Variants in SMURF1 observed in about 807,000 individuals in gnomAD.
SMURF1 encodes E3 ubiquitin-protein ligase SMURF1.
SMURF1 carries 44 observed loss-of-function variants against 98.0 expected under a neutral mutation model. The observed-to-expected ratio is 0.45, with a 90% CI of 0.35 to 0.58. The LOEUF (loss-of-function observed/expected upper bound fraction) is 0.58, where lower values mean the gene tolerates loss of function less well. Ranked by LOEUF, SMURF1 falls within the 20% of genes least tolerant of loss-of-function variation. SMURF1 has a pLI of 0.00. For synonymous variants in SMURF1, 396 were observed against 374.9 expected, an observed-to-expected ratio of 1.06 and a Z score of -0.65; for missense variants, 687 against 938.4, an observed-to-expected ratio of 0.73 and a Z score of 3.50.
In SMURF1 at chr7:99,038,959, C is replaced by T. The variant is rs540283963; in HGVS notation, c.1551-434G>A. ...CTGTAATCCCAGCACTTTGGGATAC[C>T]GAGGCGGGTGGATTACGAGGTCAGG... On this transcript the variant is annotated intron_variant, in intron 13 of 17. Coordinates refer to ENST00000361368, the MANE Select transcript of SMURF1 (RefSeq NM_181349.3). 2.6e-4 allele frequency among the ~76,000 whole-genome samples: 39 copies of T among 151,964 alleles called. No individual in the cohort carries two copies. In the East Asian group the frequency reaches 5.0e-3, roughly 20 times the overall value.
chr7:99,087,045 T>C (rs1396196079), intron 1 of SMURF1, among the ~76,000 whole-genome samples: 1 of 152,116 alleles, frequency 6.6e-6, no homozygotes, highest in Non-Finnish European at 1.5e-5. Context: ...TTTAAAGGGT[T>C]AAGTTTATGG....
chr7:99,092,365 T>C (rs1796831636), intron 1 of SMURF1, among the ~76,000 whole-genome samples: 1 of 152,214 alleles, frequency 6.6e-6, no homozygotes, highest in Admixed American at 6.5e-5. Flanking sequence ...CTGGATTCTG[T>C]ATTTGTGAAT....
chr7:99,042,242 A>G lies in SMURF1; in HGVS notation c.1257-10T>C. The G allele has an allele frequency of 6.3e-7, 1 of 1,584,886 alleles. No homozygotes were observed. The highest frequency in any genetic ancestry group is 1.4e-5 in the African/African-American group (1 of 73,680). On this transcript the variant is annotated splice_polypyrimidine_tract_variant and intron_variant, in intron 11 of 17. Coordinates refer to ENST00000361368, the MANE Select transcript of SMURF1 (RefSeq NM_181349.3). The stretch of plus-strand genomic sequence containing the variant: ...CAAGTAAAGCCACTCCCTGGGAGCA[A>G]ACAACAAAAATGCATTTGAGACGCG...
chr7:99,049,393 C>T, intron 9 of SMURF1, 170 bp downstream of exon 9: 1 of 696,748 alleles, frequency 1.4e-6, no homozygotes, highest in Non-Finnish European at 2.3e-6. Flanking sequence ...CTCTTCACAG[C>T]TAATTTAAGA....
At chr7:99,113,636 C>T (rs372718454) in intron 1 of SMURF1, among the ~76,000 whole-genome samples, 5 of 151,750 alleles carry the variant, frequency 3.3e-5, no homozygotes, top group Non-Finnish European at 5.9e-5. Flanking sequence ...GTCAGGAGAT[C>T]GAGATCATCC....
At position 99,143,962 on chromosome 7, in the gene SMURF1, G is replaced by T; in HGVS notation, c.-182C>A. Reference sequence around the variant, plus strand: ...AGGCGGATGGTCGAGCCGGGAGATCGGCGCTTGCTGCGGCGCTCTGACCCT... The same window carrying T: ...AGGCGGATGGTCGAGCCGGGAGATCTGCGCTTGCTGCGGCGCTCTGACCCT... On this transcript the variant is annotated 5_prime_UTR_variant, in exon 1 of 18. Transcript: ENST00000361368. 2.2e-6 allele frequency: 1 copy of T among 445,022 alleles called. No homozygotes were observed. Among genetic ancestry groups the T allele is most frequent in the Non-Finnish European group, 3.8e-6 (1 of 263,040 alleles). 27.6% of individuals were successfully genotyped at this position (445,022 alleles called of 1,614,324 possible). A position where few individuals can be genotyped will look rare whatever the true frequency, so the allele number is the denominator to read the frequency against.
At chr7:99,112,035 T>G (rs905350465) in intron 1 of SMURF1, among the ~76,000 whole-genome samples, 1 of 152,112 alleles carries the variant, frequency 6.6e-6, no homozygotes, top group Non-Finnish European at 1.5e-5. Context: ...AGACAAACAA[T>G]GGACTAATGT....
chr7:99,059,826 T>C (rs1795987603), intron 3 of SMURF1, among the ~76,000 whole-genome samples: 1 of 150,980 alleles, frequency 6.6e-6, no homozygotes, highest in Non-Finnish European at 1.5e-5. Context: ...GAGAATCACT[T>C]GAATCCAGGA....
chr7:99,080,274 A>G lies in SMURF1; in HGVS notation c.56-18437T>C, dbSNP rs534395312. Among the ~76,000 whole-genome samples, 23 of 152,236 alleles carry G rather than the reference A, an allele frequency of 1.5e-4. No homozygotes were observed. In the South Asian group the frequency reaches 4.6e-3, roughly 30 times the overall value. ...AAAAATTTACCCAAAGAAACAAAGC[A>G]CTAAACCTAGATAAGTTTTTTGTTT... On this transcript the variant is annotated intron_variant, in intron 1 of 17. Transcript: ENST00000361368.
chr7:99,063,246 TATATATATA>T (rs1563012617), intron 1 of SMURF1, among the ~76,000 whole-genome samples: 3 of 2,842 alleles, frequency 1.1e-3, no homozygotes, highest in African/African-American at 1.8e-3. Flanking sequence ...TTTATTTATA[TATATATATA>T]TATATATATA....
intron 13 of SMURF1, among the ~76,000 whole-genome samples, chr7:99,038,737 CCA>C (rs1007623757): frequency 3.3e-5 from 5 of 152,090 alleles, no homozygotes; most frequent in African/African-American, 1.2e-4. Context: ...CTCCTGGCTT[CCA>C]CAGTCATAGA....
intron 1 of SMURF1, among the ~76,000 whole-genome samples, chr7:99,089,705 A>G (rs1330849363): frequency 6.6e-6 from 1 of 152,208 alleles, no homozygotes; most frequent in Non-Finnish European, 1.5e-5. Context: ...GTCTTCAAAA[A>G]GCCTTTCACA....
intron 1 of SMURF1, among the ~76,000 whole-genome samples, chr7:99,120,164 G>A (rs894779980): frequency 5.3e-5 from 8 of 152,076 alleles, no homozygotes; most frequent in Admixed American, 1.3e-4. Flanking sequence ...TCTGTCTTCC[G>A]CTATGATTGG....
chr7:99,115,310 C>T (rs890679564), intron 1 of SMURF1, among the ~76,000 whole-genome samples: 7 of 151,988 alleles, frequency 4.6e-5, no homozygotes, highest in Non-Finnish European at 7.4e-5. Context: ...AGTGGGGACA[C>T]GGGCCAGTGC....
At chr7:99,035,903 G>A (rs565581878) in intron 15 of SMURF1, 187 bp from the exon 16 acceptor site, 8 of 621,136 alleles carry the variant, frequency 1.3e-5, no homozygotes, top group South Asian at 5.9e-5. Flanking sequence ...GCTTCCGTCC[G>A]CCTCCTCCAA....
chr7:99,094,912 C>T (rs575310507), intron 1 of SMURF1, among the ~76,000 whole-genome samples: 1 of 152,158 alleles, frequency 6.6e-6, no homozygotes, highest in Non-Finnish European at 1.5e-5. Flanking sequence ...CAGCCAGAGG[C>T]TCCCTCAGTT....
At chr7:99,037,386 C>G (rs1284196762) in intron 14 of SMURF1, among the ~76,000 whole-genome samples, 199 bp from the exon 15 acceptor site, 1 of 152,134 alleles carries the variant, frequency 6.6e-6, no homozygotes, top group African/African-American at 2.4e-5. Context: ...TACAGGCACC[C>G]ACCACCACAC....
intron 1 of SMURF1, among the ~76,000 whole-genome samples, chr7:99,099,502 G>C (rs1030523562): frequency 1.3e-5 from 2 of 152,076 alleles, no homozygotes; most frequent in Admixed American, 6.6e-5. Flanking sequence ...CCCAGGATAG[G>C]GGGGGAAATG....
intron 1 of SMURF1, among the ~76,000 whole-genome samples, chr7:99,090,365 C>T (rs1796781615): frequency 1.3e-5 from 2 of 152,046 alleles, no homozygotes; most frequent in South Asian, 4.1e-4. Flanking sequence ...TAAACCTACC[C>T]CTTCCTTTCC....
Sources: allele counts gnomAD v4.1 joint callset (sites outside exome capture counted in the v4.1 genomes callset), GRCh38; gene constraint gnomAD v4.1.1; transcripts MANE v1.5; gene names NCBI Gene and HGNC (gene_info 2026-07-23, HGNC 2026-07-21).